The following SORCS1 variants were observed in gnomAD, a reference collection of about 807,000 sequenced individuals.
The protein encoded by SORCS1 is VPS10 domain-containing receptor SorCS1.
A neutral mutation model predicts 146.1 loss-of-function variants in SORCS1; 60 were observed. That is an observed-to-expected ratio of 0.41 (90% confidence interval 0.33 to 0.51). The LOEUF is 0.51. Among genes scored for constraint, SORCS1 ranks in the 20% least tolerant of loss-of-function variants. SORCS1 has a pLI of 0.21. For missense variants in SORCS1, 1,352 were observed against 1,487.6 expected (o/e 0.91, Z 1.50); for synonymous variants, 637 against 584.0 (o/e 1.09, Z -1.31).
intron 3 of SORCS1, among the ~76,000 whole-genome samples, chr10:106,777,850 C>T (rs1564646819): frequency 6.6e-6 from 1 of 152,152 alleles, no homozygotes; most frequent in Non-Finnish European, 1.5e-5. Flanking sequence ...TGACCTCTTC[C>T]CCATCAACTT....
intron 2 of SORCS1, among the ~76,000 whole-genome samples, chr10:106,955,413 T>G (rs550000230): frequency 1.6e-4 from 25 of 152,262 alleles, no homozygotes; most frequent in Admixed American, 3.3e-4. Context: ...TTGGCAGGCA[T>G]GAGATATCAA....
chr10:106,968,079 G>T (rs900902323), intron 1 of SORCS1, among the ~76,000 whole-genome samples: 2 of 151,806 alleles, frequency 1.3e-5, no homozygotes, highest in South Asian at 2.1e-4. Context: ...GCGTGGTGGC[G>T]GGTGCCTGTA....
Position 107,156,404 on chromosome 10 carries a change from G to A in SORCS1, c.558+7565C>T, listed in dbSNP as rs1056037419. On this transcript the variant is annotated intron_variant, in intron 1 of 25. Coordinates refer to ENST00000263054, the MANE Select transcript of SORCS1 (RefSeq NM_052918.5). Reference sequence around the variant, plus strand: ...AGTACGTAGTTCATAAAGGTGTCGTGATAATCAAGTGAAATCATGTGGTGA... The same window carrying A: ...AGTACGTAGTTCATAAAGGTGTCGTAATAATCAAGTGAAATCATGTGGTGA... Among the ~76,000 whole-genome samples, 5 of 152,266 alleles carry A rather than the reference G, an allele frequency of 3.3e-5. No homozygotes were observed. In the Middle Eastern group the frequency reaches 0.017, roughly 518 times the overall value.
intron 3 of SORCS1, among the ~76,000 whole-genome samples, chr10:106,789,396 T>G (rs891153062): frequency 3.3e-5 from 5 of 152,202 alleles, no homozygotes; most frequent in African/African-American, 1.2e-4. Flanking sequence ...AGACTGCAAA[T>G]TTTTCAAATT....
chr10:106,690,003 T>C (rs977422752), intron 9 of SORCS1, among the ~76,000 whole-genome samples: 4 of 152,194 alleles, frequency 2.6e-5, no homozygotes, highest in Non-Finnish European at 5.9e-5. Context: ...TGAACTATCA[T>C]ACTCAGGAAA....
chr10:106,612,723 C>T (rs1212386687), intron 21 of SORCS1, among the ~76,000 whole-genome samples: 2 of 152,080 alleles, frequency 1.3e-5, no homozygotes, highest in Non-Finnish European at 2.9e-5. Flanking sequence ...GCTCTAAGAG[C>T]CCGTAGCCCC....
rs60289278 is a variant in SORCS1, at chr10:106,953,142, AGT to A, written c.626+3369_626+3370del. Among the ~76,000 whole-genome samples the A allele has an allele frequency of 3.7e-3, 545 of 148,086 alleles. 9 individuals are homozygous for A. Among genetic ancestry groups the A allele is most frequent in the East Asian group, 0.03 (149 of 5,004 alleles). Reference sequence around the variant, plus strand: ...AAATATATTATGTATCTGTGGGTATAGTGTGTGTGTGTGTGTGTGTGTGTGTG... The same window carrying A: ...AAATATATTATGTATCTGTGGGTATAGTGTGTGTGTGTGTGTGTGTGTGTG... On this transcript the variant is annotated intron_variant, in intron 2 of 25. Transcript: ENST00000263054.
chr10:106,923,021 TGGG>T lies in SORCS1; in HGVS notation c.626+33489_626+33491del, dbSNP rs1402303568. Among the ~76,000 whole-genome samples the T allele has an allele frequency of 2.0e-5, 3 of 152,136 alleles. No homozygotes were observed. The East Asian group carries it at 5.8e-4, about 29-fold the overall frequency. ...TCCCTGCTTCAGCCCCCCGAGTAGC[TGGG>T]ACTATAGGCGCACACGCCACCACAC... On this transcript the variant is annotated intron_variant, in intron 2 of 25. Transcript: ENST00000263054.
chr10:106,992,032 T>G (rs950407951), intron 1 of SORCS1, among the ~76,000 whole-genome samples: 1 of 141,532 alleles, frequency 7.1e-6, no homozygotes, highest in Non-Finnish European at 1.5e-5. Flanking sequence ...TGTGACTCGT[T>G]GTGAATATTG....
intron 1 of SORCS1, among the ~76,000 whole-genome samples, chr10:107,089,965 A>G (rs1964065179): frequency 6.6e-6 from 1 of 152,200 alleles, no homozygotes. Context: ...AATTGTGAAG[A>G]GGGCACTAGG....
intron 1 of SORCS1, among the ~76,000 whole-genome samples, chr10:107,062,272 T>C (rs1210254409): frequency 2.0e-5 from 3 of 152,190 alleles, no homozygotes; most frequent in Non-Finnish European, 4.4e-5. Context: ...GCTATCCCTT[T>C]GATCTTCAGC....
chr10:106,704,613 C>T (rs145217916), intron 8 of SORCS1, among the ~76,000 whole-genome samples: 1,828 of 152,276 alleles, frequency 0.012, 19 homozygotes, highest in Non-Finnish European at 0.021. Context: ...TCGCTTGAAC[C>T]CGGGAGGTGG....
At chr10:106,697,837 T>A (rs1853823386) in intron 9 of SORCS1, among the ~76,000 whole-genome samples, 1 of 152,110 alleles carries the variant, frequency 6.6e-6, no homozygotes, top group Non-Finnish European at 1.5e-5. Context: ...GCAACCTAAA[T>A]CCAAAATCTG....
At chr10:106,958,745 T>C (rs1234001364) in intron 1 of SORCS1, among the ~76,000 whole-genome samples, 2 of 152,010 alleles carry the variant, frequency 1.3e-5, no homozygotes, top group East Asian at 1.9e-4. Context: ...TCAGATGGCA[T>C]GCCTGTGGTG....
rs80129012 is a variant in SORCS1 at position 106,604,035 on chromosome 10, T to C, written c.3165+3131A>G. 8.0e-3 allele frequency among the ~76,000 whole-genome samples: 1,211 copies of C among 152,258 alleles called. 18 individuals are homozygous for C. The highest frequency in any genetic ancestry group is 0.028 in the African/African-American group (1,143 of 41,556). ...CTCGCTGGTGCAATCAGGTGAGAGG[T>C]ACCGTCTTTGGATTGGGTTGATAAA... On this transcript the variant is annotated intron_variant, in intron 23 of 25. Coordinates refer to ENST00000263054, the MANE Select transcript of SORCS1 (RefSeq NM_052918.5).
At chr10:106,858,420 C>A (rs1949873457) in intron 2 of SORCS1, among the ~76,000 whole-genome samples, 1 of 151,612 alleles carries the variant, frequency 6.6e-6, no homozygotes, top group African/African-American at 2.4e-5. Context: ...GAGATTGAGA[C>A]CATCCTGGCT....
chr10:106,796,982 C>T (rs1380821306), intron 3 of SORCS1, among the ~76,000 whole-genome samples: 1 of 152,170 alleles, frequency 6.6e-6, no homozygotes, highest in Non-Finnish European at 1.5e-5. Context: ...TGGCGGGTGC[C>T]TGTAGTCCTA....
chr10:106,672,774 G>C, intron 15 of SORCS1, 94 bp downstream of exon 15: 2 of 998,840 alleles, frequency 2.0e-6, no homozygotes, highest in Non-Finnish European at 3.1e-6. Context: ...TTTTGGCCTA[G>C]AGCATCCTAG....
chr10:107,031,520 A>C (rs1181320588), intron 1 of SORCS1, among the ~76,000 whole-genome samples: 1 of 152,178 alleles, frequency 6.6e-6, no homozygotes, highest in Non-Finnish European at 1.5e-5. Context: ...ACTTTTCTGC[A>C]AGGTTTCTGT....
Sources: gnomAD v4.1 joint callset for allele counts (sites outside exome capture counted in the v4.1 genomes callset) on GRCh38, gnomAD v4.1.1 for gene constraint, MANE v1.5 for transcripts, NCBI Gene and HGNC (gene_info 2026-07-23, HGNC 2026-07-21) for gene names.